ZFR2: variants seen among roughly 807,000 people sequenced by gnomAD.
ZFR2 encodes the protein zinc finger RNA-binding protein 2.
ZFR2 carries 104 observed loss-of-function variants against 105.7 expected under a neutral mutation model. The ratio of observed to expected loss-of-function variants is 0.98; its 90% confidence interval spans 0.84 to 1.16. The LOEUF is 1.16. Among genes scored for constraint, ZFR2 ranks in the 50% most tolerant of loss-of-function variants. The probability of loss-of-function intolerance (pLI) is 0.00; values close to 1 mark genes in which losing one functional copy is unlikely to be tolerated. For missense variants in ZFR2, 1,425 were observed against 1,355.5 expected (o/e 1.05, Z -0.80); for synonymous variants, 634 against 597.7 (o/e 1.06, Z -0.89).
intron 18 of ZFR2, among the ~76,000 whole-genome samples, 167 bp from the exon 19 acceptor site, chr19:3,806,292 T>TC (rs2145126621): frequency 6.6e-6 from 1 of 152,076 alleles, no homozygotes; most frequent in East Asian, 2.0e-4. Context: ...AGACACAGTC[T>TC]CGCTCTGTCA....
chr19:3,822,030 G>T (rs1055577810), intron 9 of ZFR2, 51 bp downstream of exon 9: 4 of 1,531,494 alleles, frequency 2.6e-6, no homozygotes, highest in South Asian at 1.2e-5. Context: ...AGCGCCCGCC[G>T]GGCCCTAGCA....
At chr19:3,848,149 C>T (rs1469731444) in intron 1 of ZFR2, among the ~76,000 whole-genome samples, 11 of 152,312 alleles carry the variant, frequency 7.2e-5, no homozygotes, top group South Asian at 2.1e-4. Context: ...CAGTGGCTCA[C>T]GCCTGTAATC....
At chr19:3,810,172 G>T (rs530900157) in intron 16 of ZFR2, among the ~76,000 whole-genome samples, 8 of 152,210 alleles carry the variant, frequency 5.3e-5, no homozygotes, top group East Asian at 3.9e-4. Flanking sequence ...CGCAGGGCGG[G>T]GGGGAGGCCG....
intron 1 of ZFR2, among the ~76,000 whole-genome samples, chr19:3,854,882 C>G (rs1218433392): frequency 6.6e-6 from 1 of 152,020 alleles, no homozygotes; most frequent in African/African-American, 2.4e-5. Context: ...ACCTCAGCAT[C>G]CCAAGTAGCT....
At chr19:3,867,139 C>A (rs1311030252) in intron 1 of ZFR2, among the ~76,000 whole-genome samples, 1 of 108,552 alleles carries the variant, frequency 9.2e-6, no homozygotes, top group Non-Finnish European at 2.1e-5. Context: ...GTAGGAACAC[C>A]GCGGGGGGCA....
rs1225245224 is a variant in ZFR2 at position 3,808,829 on chromosome 19, G to A, written c.2545+43C>T. Reference sequence around the variant, plus strand: ...CATGGCCACGGGCCCTGGTCTCTGCGATTTGCCGCCCACCTCCTGGGCCCT... The same window carrying A: ...CATGGCCACGGGCCCTGGTCTCTGCAATTTGCCGCCCACCTCCTGGGCCCT... On this transcript the variant is annotated intron_variant, in intron 17 of 18. Coordinates refer to ENST00000262961, the MANE Select transcript of ZFR2 (RefSeq NM_015174.2). 2.2e-5 allele frequency: 32 copies of A among 1,486,782 alleles called. 1 individual carries two copies. The Middle Eastern group carries it at 5.2e-4, about 24-fold the overall frequency. The allele number at this position is 1,486,782 out of a possible 1,614,324, so 92.1% of individuals were successfully genotyped here.
intron 1 of ZFR2, among the ~76,000 whole-genome samples, chr19:3,855,042 G>C (rs144329324): frequency 6.6e-6 from 1 of 151,956 alleles, no homozygotes; most frequent in Non-Finnish European, 1.5e-5. Flanking sequence ...TTACAGATGT[G>C]AGCCACTGTG....
At chr19:3,809,858 C>T (rs567174025) in intron 16 of ZFR2, among the ~76,000 whole-genome samples, 14 of 152,246 alleles carry the variant, frequency 9.2e-5, no homozygotes, top group African/African-American at 3.1e-4. Flanking sequence ...GCAGGAGAAT[C>T]GCTTGAGCCC....
Position 3,822,065 on chromosome 19 carries a change from C to T in ZFR2, c.1491+16G>A, listed in dbSNP as rs774134330. The T allele has an allele frequency of 5.7e-6, 9 of 1,585,592 alleles. No homozygotes were observed. The highest frequency in any genetic ancestry group is 2.3e-5 in the South Asian group (2 of 87,064). Reference sequence around the variant, plus strand: ...ACAGCCCGGACGGGTGTCGGAGCTCCCCCTGCTGGACGCACCCGGTACTGC... The same window carrying T: ...ACAGCCCGGACGGGTGTCGGAGCTCTCCCTGCTGGACGCACCCGGTACTGC... On this transcript the variant is annotated intron_variant, in intron 9 of 18. Coordinates refer to ENST00000262961, the MANE Select transcript of ZFR2 (RefSeq NM_015174.2).
intron 1 of ZFR2, among the ~76,000 whole-genome samples, chr19:3,866,448 ATGGGTTG>A (rs1231364633): frequency 3.6e-4 from 4 of 11,132 alleles, no homozygotes; most frequent in African/African-American, 1.4e-3. Flanking sequence ...CTGTGCTAAA[ATGGGTTG>A]CGTGTATACT....
chr19:3,862,829 G>A (rs976629652), intron 1 of ZFR2, among the ~76,000 whole-genome samples: 2 of 152,228 alleles, frequency 1.3e-5, no homozygotes, highest in Admixed American at 6.5e-5. Context: ...AGAAGGGCGT[G>A]AAAAAGACCG....
intron 3 of ZFR2, chr19:3,833,401 C>A (rs2038040910): frequency 2.7e-5 from 9 of 330,782 alleles, no homozygotes; most frequent in Admixed American, 1.6e-4. Flanking sequence ...ACTGTGAAAC[C>A]CCGTCTCTAC....
At chr19:3,817,567 GATA>G (rs10605531) in intron 12 of ZFR2, among the ~76,000 whole-genome samples, 14,437 of 123,768 alleles carry the variant, frequency 0.12, 952 homozygotes, top group African/African-American at 0.19. Flanking sequence ...TCAAAATAAT[GATA>G]ATAATAATAA....
At chr19:3,867,931 C>A (rs1240659922) in intron 1 of ZFR2, among the ~76,000 whole-genome samples, 1 of 150,506 alleles carries the variant, frequency 6.6e-6, no homozygotes, top group Admixed American at 6.6e-5. Context: ...TCCCAGGTCT[C>A]TGCCTTCTCT....
intron 1 of ZFR2, among the ~76,000 whole-genome samples, chr19:3,844,019 G>T (rs919146714): frequency 4.5e-5 from 1 of 22,372 alleles, no homozygotes; most frequent in African/African-American, 3.4e-4. Flanking sequence ...GATGTGGGGG[G>T]GGGGGTGCCA....
intron 15 of ZFR2, 143 bp downstream of exon 15, chr19:3,811,129 C>T (rs964792099): frequency 1.1e-5 from 9 of 854,908 alleles, no homozygotes; most frequent in East Asian, 5.8e-5. Flanking sequence ...AGTCAGCACT[C>T]GGCCAGGAAG....
At chr19:3,826,446 T>C (rs1409577391) in intron 6 of ZFR2, among the ~76,000 whole-genome samples, 2 of 151,650 alleles carry the variant, frequency 1.3e-5, no homozygotes, top group East Asian at 1.9e-4. Context: ...TCTTTTTTTT[T>C]TCTTTTGGCG....
At chr19:3,825,923 C>T (rs1247858860) in intron 6 of ZFR2, among the ~76,000 whole-genome samples, 1 of 152,126 alleles carries the variant, frequency 6.6e-6, no homozygotes, top group African/African-American at 2.4e-5. Flanking sequence ...GCAAAGGTTC[C>T]GTGTGCACAG....
chr19:3,824,133 C>CA lies in ZFR2; in HGVS notation c.1214-731dup, dbSNP rs201595705. 7.5e-3 allele frequency among the ~76,000 whole-genome samples: 1,136 copies of CA among 150,904 alleles called. 6 individuals are homozygous for CA. The highest frequency in any genetic ancestry group is 9.6e-3 in the Non-Finnish European group (646 of 67,588). ...GCAACATAGCAGAACCCCACCTCTA[C>CA]AAAAAAAAATACAAAAAGTAGTGGG... is the stretch of plus-strand genomic sequence containing the variant. On this transcript the variant is annotated intron_variant, in intron 7 of 18. Transcript: ENST00000262961.
Sources: allele counts gnomAD v4.1 joint callset (sites outside exome capture counted in the v4.1 genomes callset), GRCh38; gene constraint gnomAD v4.1.1; transcripts MANE v1.5; gene names NCBI Gene and HGNC (gene_info 2026-07-23, HGNC 2026-07-21).